PLXNB1: variants seen among roughly 807,000 people sequenced by gnomAD.
The protein encoded by PLXNB1 is plexin B1, also known as plexin-B1.
PLXNB1 carries 106 observed loss-of-function variants against 209.4 expected under a neutral mutation model. The ratio of observed to expected loss-of-function variants is 0.51; its 90% confidence interval spans 0.43 to 0.59. The LOEUF is 0.59. Among genes scored for constraint, PLXNB1 ranks in the 20% least tolerant of loss-of-function variants. PLXNB1 has a pLI of 0.00. For synonymous variants in PLXNB1, 1,167 were observed against 1,183.2 expected (o/e 0.99, Z 0.28); for missense variants, 2,357 against 2,853.2 (o/e 0.83, Z 3.96).
At chr3:48,426,492 G>A (rs1403420366) in intron 1 of PLXNB1, among the ~76,000 whole-genome samples, 4 of 152,166 alleles carry the variant, frequency 2.6e-5, no homozygotes, top group Non-Finnish European at 5.9e-5. Context: ...TATCCCAAGC[G>A]TTTGCTTCTC....
In PLXNB1 at chr3:48,429,095, G is replaced by A. The variant is rs1377212151; in HGVS notation, c.-60+913C>T. On this transcript the variant is annotated intron_variant, in intron 1 of 37. Coordinates refer to ENST00000296440, the MANE Select transcript of PLXNB1 (RefSeq NM_001130082.3). The surrounding 1 kb of genome is among the most constrained non-coding windows in gnomAD (Gnocchi z 6.4). ...AATCGCGTTCCAGGCGGAGTCGCCA[G>A]AGTTTCCCTTCGCGCGGAGAAGTGT... Among the ~76,000 whole-genome samples the A allele has an allele frequency of 6.6e-6, 1 of 152,222 alleles. No individual in the cohort carries two copies. Among genetic ancestry groups the A allele is most frequent in the African/African-American group, 2.4e-5 (1 of 41,462 alleles).
chr3:48,419,585 A>G lies in PLXNB1; in HGVS notation c.2701T>C (p.Trp901Arg), dbSNP rs2038347344. The G allele has an allele frequency of 6.2e-7, 1 of 1,604,886 alleles. No individual in the cohort carries two copies. The highest frequency in any genetic ancestry group is 1.3e-5 in the African/African-American group (1 of 74,898). The change falls in exon 11 of 38, where the codon TGG becomes CGG. Residue 901 changes from tryptophan (W) to arginine (R), a missense_variant. Coordinates refer to ENST00000296440, the MANE Select transcript of PLXNB1 (RefSeq NM_001130082.3). The surrounding 1 kb of genome is among the most constrained non-coding windows in gnomAD (Gnocchi z 5.7). ...LDYQYDTPGLWELEEATLGAS... is the reference protein window; with the variant it reads ...LDYQYDTPGLRELEEATLGAS... ...CCTGGGCTGGGCCTCACCAGCTCCC[A>G]GAGCCCGGGGGTGTCATACTGGTAG...
At chr3:48,426,811 C>T (rs1032912380) in intron 1 of PLXNB1, among the ~76,000 whole-genome samples, 1 of 152,156 alleles carries the variant, frequency 6.6e-6, no homozygotes, top group African/African-American at 2.4e-5. Flanking sequence ...GGGAAAGTCT[C>T]GAACCCGGCC....
At position 48,414,811 on chromosome 3, in the gene PLXNB1, C is replaced by G; in HGVS notation, c.4197G>C (p.Val1399=). 1 of 1,613,668 alleles carries G rather than the reference C, an allele frequency of 6.2e-7. No individual in the cohort carries two copies. Among genetic ancestry groups the G allele is most frequent in the Non-Finnish European group, 8.5e-7 (1 of 1,179,724 alleles). The change falls in exon 21 of 38, where the codon GTG becomes GTC. Residue 1399 remains valine (V), a synonymous_variant. Coordinates refer to ENST00000296440, the MANE Select transcript of PLXNB1 (RefSeq NM_001130082.3). ...TMPFRHKPGS[V]FSVEGENLDL... Reference sequence around the variant, plus strand: ...GTAGGAGCTGTACCTCCACGGAGAACACACTCCCAGGCTTGTGCCGGAATG... The same window carrying G: ...GTAGGAGCTGTACCTCCACGGAGAAGACACTCCCAGGCTTGTGCCGGAATG...
chr3:48,411,029 T>C lies in PLXNB1; in HGVS notation c.5255A>G (p.Asn1752Ser). 1 of 1,613,238 alleles carries C rather than the reference T, an allele frequency of 6.2e-7. No homozygotes were observed. The highest frequency in any genetic ancestry group is 1.3e-5 in the African/African-American group (1 of 75,050). ...EDVEYRPLTL[N>S]ALLAVGPGAG... ...CCCAGGCCCCACAGCCAATAGTGCA[T>C]TCAAGGTCTGTGCAGGACACACAGG... The change falls in exon 29 of 38, where the codon AAT (asparagine) becomes AGT (serine). Residue 1752 changes from asparagine to serine, a missense_variant. Around this residue, in one of 7 missense-constraint regions of PLXNB1, gnomAD observed 414 missense variants for 520.5 expected, o/e 0.80. Coordinates refer to ENST00000296440, the MANE Select transcript of PLXNB1 (RefSeq NM_001130082.3). This position sits in a 1 kb window ranked among gnomAD's most constrained non-coding sequence, Gnocchi z 4.0.
Position 48,412,860 on chromosome 3 carries a change from C to A in PLXNB1, c.4736G>T (p.Gly1579Val). 3.7e-6 allele frequency: 6 copies of A among 1,613,768 alleles called. No individual in the cohort carries two copies. Among genetic ancestry groups the A allele is most frequent in the Non-Finnish European group, 5.1e-6 (6 of 1,180,014 alleles). ...KVYAERIFFP[G>V]HRESPLHRDL... ...CCGGTGCAAGGGCGACTCGCGGTGC[C>A]CAGGGAAGAAGATCCTCTCCGCATA... Residue 1579 changes from glycine to valine, a missense_variant, in exon 25 of 38, where the codon GGG becomes GTG. Around this residue, in one of 7 missense-constraint regions of PLXNB1, gnomAD observed 743 missense variants for 896.2 expected, o/e 0.83. Transcript: ENST00000296440.
In PLXNB1 at chr3:48,415,769, G is replaced by T. The variant is rs1459534946; in HGVS notation, c.3618-10C>A. 1.0e-5 allele frequency: 16 copies of T among 1,540,302 alleles called. No individual in the cohort carries two copies. The highest frequency in any genetic ancestry group is 3.9e-5 in the Admixed American group (2 of 50,728). ...CTGCTGCTCCGGCAGCCTGGGAGGG[G>T]AGGTGGGAATGAATGCAGGGGCGCA... On this transcript the variant is annotated splice_polypyrimidine_tract_variant and intron_variant, in intron 18 of 37. Coordinates refer to ENST00000296440, the MANE Select transcript of PLXNB1 (RefSeq NM_001130082.3). The surrounding 1 kb of genome is among the most constrained non-coding windows in gnomAD (Gnocchi z 5.0).
At chr3:48,423,297 T>A (rs2038654125) in intron 3 of PLXNB1, among the ~76,000 whole-genome samples, 1 of 151,654 alleles carries the variant, frequency 6.6e-6, no homozygotes, top group Non-Finnish European at 1.5e-5. Context: ...TCCAAGCCCA[T>A]CCAGACACTG....
Position 48,419,912 on chromosome 3 carries a change from G to A in PLXNB1, c.2374C>T (p.Leu792=). Residue 792 remains leucine, a synonymous_variant, in exon 11 of 38, where the codon CTG becomes TTG. Transcript: ENST00000296440. This position sits in a 1 kb window ranked among gnomAD's most constrained non-coding sequence, Gnocchi z 5.7. ...ATPEDLLASP[L]SPSEVAAVPP... ...ACTGCTGCTACCTCTGAGGGTGACA[G>A]CGGGGAGGCCAAGAGGTCCTCAGGT... 6.4e-7 allele frequency: 1 copy of A among 1,564,226 alleles called. No individual in the cohort carries two copies. Among genetic ancestry groups the A allele is most frequent in the Non-Finnish European group, 8.7e-7 (1 of 1,152,298 alleles).
Position 48,419,196 on chromosome 3 carries a change from C to G in PLXNB1, c.2832+48G>C. 1 of 1,548,002 alleles carries G rather than the reference C, an allele frequency of 6.5e-7. No individual in the cohort carries two copies. The highest frequency in any genetic ancestry group is 8.8e-7 in the Non-Finnish European group (1 of 1,142,720). ...TCCCCAGGGCTTGTGCAGAGTTTCTCAACAGCTAAGGAGGCTGCAAGGACA... is the reference window on the plus strand; with the variant it reads ...TCCCCAGGGCTTGTGCAGAGTTTCTGAACAGCTAAGGAGGCTGCAAGGACA... On this transcript the variant is annotated intron_variant, in intron 12 of 37. Transcript: ENST00000296440. This position sits in a 1 kb window ranked among gnomAD's most constrained non-coding sequence, Gnocchi z 5.7.
In PLXNB1 at chr3:48,410,552, C is replaced by T. The variant is rs775327323; in HGVS notation, c.5423G>A (p.Arg1808Gln). 8.1e-6 allele frequency: 13 copies of T among 1,613,134 alleles called. No individual in the cohort carries two copies. The highest frequency in any genetic ancestry group is 4.4e-5 in the South Asian group (4 of 91,060). ...AATGAGGTGCCCGGCCACCCCAGAC[C>T]GCCACTCTGCAAGGGCAAGGCAGAA... ...PDPRTLDVEW[R>Q]SGVAGHLILS... The change falls in exon 30 of 38, where the codon CGG (arginine) becomes CAG (glutamine). Residue 1808 changes from arginine to glutamine, a missense_variant. Transcript: ENST00000296440. The surrounding 1 kb of genome is among the most constrained non-coding windows in gnomAD (Gnocchi z 6.4).
At chr3:48,407,713 G>GTCAACCTGAGTCAGGAT (rs2037397848) in intron 34 of PLXNB1, among the ~76,000 whole-genome samples, 2 of 152,226 alleles carry the variant, frequency 1.3e-5, no homozygotes, top group Non-Finnish European at 2.9e-5. Flanking sequence ...CAGCTCCTCT[G>GTCAACCTGAGTCAGGAT]TCAACCTGAG....
chr3:48,419,455 G>T lies in PLXNB1; in HGVS notation c.2710-89C>A. 1 of 1,506,208 alleles carries T rather than the reference G, an allele frequency of 6.6e-7. No individual in the cohort carries two copies. The highest frequency in any genetic ancestry group is 2.3e-5 in the East Asian group (1 of 42,904). 93.3% of individuals were successfully genotyped at this position (1,506,208 alleles called of 1,614,324 possible). The stretch of plus-strand genomic sequence containing the variant: ...GCCAGATTCCAGAGGCAAGGCCGGT[G>T]TGGGGCTGCAGACTCCACCCTGCCC... On this transcript the variant is annotated intron_variant, in intron 11 of 37. Coordinates refer to ENST00000296440, the MANE Select transcript of PLXNB1 (RefSeq NM_001130082.3). This position sits in a 1 kb window ranked among gnomAD's most constrained non-coding sequence, Gnocchi z 5.7.
chr3:48,407,790 C>T (rs2106735297), intron 34 of PLXNB1, among the ~76,000 whole-genome samples: 1 of 152,306 alleles, frequency 6.6e-6, no homozygotes, highest in South Asian at 2.1e-4. Context: ...TCGGACTACT[C>T]CTGAGCTACC....
intron 34 of PLXNB1, among the ~76,000 whole-genome samples, chr3:48,407,507 G>C (rs9812647): frequency 0.56 from 84,449 of 152,010 alleles, 23,446 homozygotes; most frequent in South Asian, 0.67. Flanking sequence ...GCTAGGATTT[G>C]AAGCAGGTCT....
chr3:48,419,018 A>C lies in PLXNB1; in HGVS notation c.2854T>G (p.Cys952Gly). ...TCGAGGCCCTCCAGCTCCATCACAC[A>C]CTCATTGTCTCCTGGGCCATCCTGA... ...LFQDGPGDNE[C>G]VMELEGLEVV... Residue 952 changes from cysteine to glycine, a missense_variant, in exon 13 of 38, where the codon TGT becomes GGT. Transcript: ENST00000296440. This position sits in a 1 kb window ranked among gnomAD's most constrained non-coding sequence, Gnocchi z 5.7. 6.2e-7 allele frequency: 1 copy of C among 1,613,648 alleles called. No individual in the cohort carries two copies. Among genetic ancestry groups the C allele is most frequent in the Non-Finnish European group, 8.5e-7 (1 of 1,179,926 alleles).
Position 48,411,793 on chromosome 3 carries a change from A to T in PLXNB1, c.5247+70T>A, listed in dbSNP as rs895377975. 31 of 1,544,124 alleles carry T rather than the reference A, an allele frequency of 2.0e-5. No homozygotes were observed. Among genetic ancestry groups the T allele is most frequent in the Non-Finnish European group, 2.7e-5 (31 of 1,132,604 alleles). On this transcript the variant is annotated intron_variant, in intron 28 of 37. Transcript: ENST00000296440. This position sits in a 1 kb window ranked among gnomAD's most constrained non-coding sequence, Gnocchi z 4.0. The stretch of plus-strand genomic sequence containing the variant: ...TCAGAAGCTGGTGTCCAGACCCCAC[A>T]CACCCACACACTCTCCACCCTCGCC...
rs1284552879 is a variant in PLXNB1 at position 48,406,682 on chromosome 3, G to C, written c.6228+141C>G. 7.0e-7 allele frequency: 1 copy of C among 1,436,976 alleles called. No homozygotes were observed. The highest frequency in any genetic ancestry group is 9.1e-7 in the Non-Finnish European group (1 of 1,096,098). 89.0% of individuals were successfully genotyped at this position (1,436,976 alleles called of 1,614,324 possible). On this transcript the variant is annotated intron_variant, in intron 36 of 37. Coordinates refer to ENST00000296440, the MANE Select transcript of PLXNB1 (RefSeq NM_001130082.3). This position sits in a 1 kb window ranked among gnomAD's most constrained non-coding sequence, Gnocchi z 4.4. ...CTTTCAGTGGCAGTTGGAACATTCT[G>C]CATTTATGTTTCCTGCCCCAACCAG...
chr3:48,418,017 T>G lies in PLXNB1; in HGVS notation c.3268A>C (p.Ile1090Leu), dbSNP rs982968589. Residue 1090 changes from isoleucine to leucine, a missense_variant, in exon 16 of 38, where the codon ATC becomes CTC. Transcript: ENST00000296440. This position sits in a 1 kb window ranked among gnomAD's most constrained non-coding sequence, Gnocchi z 6.6. Reference protein sequence around the residue: ...GPVDGGTRVTIRGSNLGQHVQ... With the variant: ...GPVDGGTRVTLRGSNLGQHVQ... The stretch of plus-strand genomic sequence containing the variant: ...TGCTGGCCCAGGTTGGAGCCCCTGA[T>G]GGTGACACGGGTGCCTCCGTCTACA... 5 of 1,613,342 alleles carry G rather than the reference T, an allele frequency of 3.1e-6. No individual in the cohort carries two copies. Among genetic ancestry groups the G allele is most frequent in the Admixed American group, 3.3e-5 (2 of 60,000 alleles).
Sources: gnomAD v4.1 joint callset for allele counts (sites outside exome capture counted in the v4.1 genomes callset) on GRCh38, gnomAD v4.1.1 for gene constraint, gnomAD v4.1.1 regional missense constraint, Gnocchi (gnomAD v3.1) non-coding constraint, MANE v1.5 for transcripts, NCBI Gene and HGNC (gene_info 2026-07-23, HGNC 2026-07-21) for gene names.